The following PPFIBP1 variants were observed in gnomAD, a reference collection of about 807,000 sequenced individuals.
PPFIBP1 encodes liprin-beta-1.
PPFIBP1 carries 112 observed loss-of-function variants against 137.8 expected under a neutral mutation model. The observed-to-expected ratio is 0.81, with a 90% CI of 0.70 to 0.95. The LOEUF (loss-of-function observed/expected upper bound fraction) is 0.95, where lower values mean the gene tolerates loss of function less well. PPFIBP1 is among the 40% of genes least tolerant of loss of function. The probability of loss-of-function intolerance (pLI) is 0.00; values close to 1 mark genes in which losing one functional copy is unlikely to be tolerated. For synonymous variants in PPFIBP1, 378 were observed against 417.3 expected (o/e 0.91, Z 1.15); for missense variants, 1,083 against 1,196.6 (o/e 0.91, Z 1.40).
At chr12:27,673,661 C>A in intron 15 of PPFIBP1, 106 bp from the exon 16 acceptor site, 1 of 876,446 alleles carries the variant, frequency 1.1e-6, no homozygotes, top group Non-Finnish European at 1.8e-6. Flanking sequence ...TCTTTTATTG[C>A]CAGGATTCAA....
chr12:27,668,347 G>A (rs2059986426), intron 13 of PPFIBP1, among the ~76,000 whole-genome samples: 1 of 152,158 alleles, frequency 6.6e-6, no homozygotes, highest in Non-Finnish European at 1.5e-5. Context: ...CCCATACGAT[G>A]GTTGGATAGG....
At chr12:27,542,613 T>A (rs1226999627) in intron 1 of PPFIBP1, among the ~76,000 whole-genome samples, 1 of 152,228 alleles carries the variant, frequency 6.6e-6, no homozygotes, top group Non-Finnish European at 1.5e-5. Context: ...TTTAAAAGTT[T>A]TAGAATTGCT....
chr12:27,652,205 G>A (rs1490677455), intron 7 of PPFIBP1, among the ~76,000 whole-genome samples: 1 of 152,086 alleles, frequency 6.6e-6, no homozygotes, highest in Non-Finnish European at 1.5e-5. Context: ...ATTTATATTT[G>A]GATATTAATT....
intron 13 of PPFIBP1, among the ~76,000 whole-genome samples, chr12:27,668,227 G>C (rs1483938882): frequency 6.6e-6 from 1 of 152,184 alleles, no homozygotes; most frequent in Non-Finnish European, 1.5e-5. Flanking sequence ...ACCAGGTCGA[G>C]ATGTGGGTGA....
At chr12:27,540,568 T>C (rs1479742731) in intron 1 of PPFIBP1, among the ~76,000 whole-genome samples, 9 of 152,334 alleles carry the variant, frequency 5.9e-5, no homozygotes, top group African/African-American at 2.2e-4. Flanking sequence ...CATTCAGTAT[T>C]TTCTGTATTT....
chr12:27,674,221 G>C lies in PPFIBP1; in HGVS notation c.1410G>C (p.Glu470Asp). The change falls in exon 17 of 30, where the codon GAG becomes GAC. Residue 470 changes from glutamate to aspartate, a missense_variant and splice_region_variant. By Grantham distance (45) the Glu-to-Asp change is conservative. Coordinates refer to ENST00000228425, the MANE Select transcript of PPFIBP1 (RefSeq NM_003622.4). Reference protein sequence around the residue: ...GEKETIQKTSEDRAPAESRPF... With the variant: ...GEKETIQKTSDDRAPAESRPF... ...AGGAAACTATTCAGAAGACTTCAGA[G>C]GTAACTTTTTGTCCAAATTACAATG... is the stretch of plus-strand genomic sequence containing the variant. The C allele has an allele frequency of 6.3e-7, 1 of 1,590,966 alleles. No individual in the cohort carries two copies. Among genetic ancestry groups the C allele is most frequent in the Non-Finnish European group, 8.6e-7 (1 of 1,167,654 alleles).
chr12:27,608,905 G>T (rs571040300), intron 2 of PPFIBP1: 1 of 197,444 alleles, frequency 5.1e-6, no homozygotes. Flanking sequence ...GTTTTGTTTT[G>T]TCTGAAGATT....
intron 1 of PPFIBP1, among the ~76,000 whole-genome samples, chr12:27,557,536 T>A (rs2048802633): frequency 6.6e-6 from 1 of 152,166 alleles, no homozygotes; most frequent in South Asian, 2.1e-4. Flanking sequence ...CCCGGCTACA[T>A]CATGGTAACA....
intron 9 of PPFIBP1, chr12:27,657,066 G>A (rs56011237): frequency 8.6e-4 from 159 of 185,938 alleles, no homozygotes; most frequent in African/African-American, 3.6e-3. Context: ...CCTGTGTCCC[G>A]GGATCGTTGC....
intron 2 of PPFIBP1, among the ~76,000 whole-genome samples, chr12:27,615,639 A>T (rs890980690): frequency 6.6e-5 from 10 of 152,230 alleles, no homozygotes; most frequent in African/African-American, 2.4e-4. Context: ...GATTACATTT[A>T]TCTGGTTTAA....
At position 27,692,811 on chromosome 12, in the gene PPFIBP1, G is replaced by A. The variant is rs774836973; in HGVS notation, c.2947G>A (p.Asp983Asn). 19 of 1,614,130 alleles carry A rather than the reference G, an allele frequency of 1.2e-5. No individual in the cohort carries two copies. Among genetic ancestry groups the A allele is most frequent in the Non-Finnish European group, 1.4e-5 (16 of 1,180,022 alleles). Residue 983 changes from aspartate (D) to asparagine (N), a missense_variant, in exon 30 of 30, where the codon GAT becomes AAT. Asp to Asn is a conservative substitution (Grantham distance 23). Coordinates refer to ENST00000228425, the MANE Select transcript of PPFIBP1 (RefSeq NM_003622.4). ...INNLTHMLKE[D>N]DMFKDFAARS... Reference sequence around the variant, plus strand: ...TGTTTTCCAGCACATGTTAAAAGAAGATGACATGTTTAAAGATTTTGCTGC... The same window carrying A: ...TGTTTTCCAGCACATGTTAAAAGAAAATGACATGTTTAAAGATTTTGCTGC...
intron 1 of PPFIBP1, among the ~76,000 whole-genome samples, chr12:27,535,533 T>C (rs7961856): frequency 0.17 from 25,811 of 152,024 alleles, 2,431 homozygotes; most frequent in Middle Eastern, 0.26. Flanking sequence ...CCCCCTCAGC[T>C]TCCCAAGTAG....
intron 1 of PPFIBP1, among the ~76,000 whole-genome samples, chr12:27,534,317 A>G (rs1354127178): frequency 6.6e-6 from 1 of 152,190 alleles, no homozygotes; most frequent in Admixed American, 6.6e-5. Context: ...CAGAAGGGAT[A>G]CGAATTGAGT....
chr12:27,668,262 G>A (rs936823054), intron 13 of PPFIBP1, among the ~76,000 whole-genome samples: 20 of 152,086 alleles, frequency 1.3e-4, no homozygotes, highest in South Asian at 4.1e-4. Context: ...AGTTCCTTGC[G>A]CATAGCTTCT....
chr12:27,665,144 C>T (rs531932629), intron 12 of PPFIBP1, among the ~76,000 whole-genome samples: 9 of 152,216 alleles, frequency 5.9e-5, no homozygotes, highest in Non-Finnish European at 1.0e-4. Flanking sequence ...GCCGAGATTG[C>T]GCCATTGCAC....
chr12:27,558,685 A>C (rs1426067764), intron 1 of PPFIBP1, among the ~76,000 whole-genome samples: 1 of 152,114 alleles, frequency 6.6e-6, no homozygotes, highest in African/African-American at 2.4e-5. Context: ...GATCTTCAGC[A>C]AAGTGGAAGC....
chr12:27,677,031 G>C lies in PPFIBP1; in HGVS notation c.1583-33G>C, dbSNP rs371375025. On this transcript the variant is annotated intron_variant, in intron 18 of 29. Coordinates refer to ENST00000228425, the MANE Select transcript of PPFIBP1 (RefSeq NM_003622.4). ...CTCTGTGTTCTCTCCATTGGGCTGCGTGTGATTGTGTGCGTTGTTGGGATA... is the reference window on the plus strand; with the variant it reads ...CTCTGTGTTCTCTCCATTGGGCTGCCTGTGATTGTGTGCGTTGTTGGGATA... 17 of 1,614,132 alleles carry C rather than the reference G, an allele frequency of 1.1e-5. No individual in the cohort carries two copies. In the East Asian group the frequency reaches 1.1e-4, roughly 11 times the overall value.
At chr12:27,689,526 A>G (rs569430594) in intron 27 of PPFIBP1, among the ~76,000 whole-genome samples, 2 of 152,314 alleles carry the variant, frequency 1.3e-5, no homozygotes, top group Non-Finnish European at 2.9e-5. Context: ...AAGGGACAGT[A>G]CACTCCAAAA....
chr12:27,560,069 A>G (rs1313182647), intron 1 of PPFIBP1, among the ~76,000 whole-genome samples: 1 of 152,206 alleles, frequency 6.6e-6, no homozygotes, highest in East Asian at 1.9e-4. Context: ...TTACACATGG[A>G]CAACTTTACT....
Sources: gnomAD v4.1 joint callset for allele counts (sites outside exome capture counted in the v4.1 genomes callset) on GRCh38, gnomAD v4.1.1 for gene constraint, MANE v1.5 for transcripts, NCBI Gene and HGNC (gene_info 2026-07-23, HGNC 2026-07-21) for gene names.